KRTAP4-9: variants seen among roughly 807,000 people sequenced by gnomAD.
The protein encoded by KRTAP4-9 is keratin associated protein 4-9, also known as keratin-associated protein 4-9.
In KRTAP4-9, 4 loss-of-function variants were observed where a neutral mutation model predicts 4.3. That is an observed-to-expected ratio of 0.94 (90% CI 0.46 to 2.15). The LOEUF is 2.15. KRTAP4-9 is among the 30% of genes most tolerant of loss of function. The pLI is 0.02. For synonymous variants in KRTAP4-9, 111 were observed against 99.2 expected (o/e 1.12, Z -0.70); for missense variants, 297 against 278.5 (o/e 1.07, Z -0.47).
chr17:41,106,083 G>A (rs2014086911), exon 1 of KRTAP4-9: 1 of 1,506,302 alleles, frequency 6.6e-7, no homozygotes, highest in African/African-American at 1.4e-5. Context: ...CCCTTCTACT[G>A]TGCTGACCAT....
exon 1 of KRTAP4-9, chr17:41,105,993 C>A: frequency 6.3e-7 from 1 of 1,592,202 alleles, no homozygotes; most frequent in Non-Finnish European, 8.6e-7. Flanking sequence ...TGCCCCCGCC[C>A]CTTGTGCTGT....
exon 1 of KRTAP4-9, chr17:41,105,955 C>G (rs558806526): frequency 6.2e-7 from 1 of 1,604,476 alleles, no homozygotes; most frequent in Non-Finnish European, 8.5e-7. Context: ...ACACCACTTG[C>G]TATCGCCCAA....
exon 1 of KRTAP4-9, chr17:41,105,918 G>T (rs774382260): frequency 1.9e-6 from 3 of 1,607,912 alleles, no homozygotes; most frequent in Non-Finnish European, 2.5e-6. Flanking sequence ...TGCTGCGTGC[G>T]TCCAGTCTGT....
chr17:41,106,006 C>T, exon 1 of KRTAP4-9: 1 of 1,586,454 alleles, frequency 6.3e-7, no homozygotes, highest in Non-Finnish European at 8.6e-7. Flanking sequence ...TGTGCTGTGC[C>T]TCCTCTTGCT....
At chr17:41,105,968 T>G (rs1188264507) in exon 1 of KRTAP4-9, 1 of 1,601,534 alleles carries the variant, frequency 6.2e-7, no homozygotes, top group Admixed American at 1.7e-5. Flanking sequence ...TCGCCCAACC[T>G]GTGTCATCTC....
At chr17:41,105,899 C>T (rs752441751) in exon 1 of KRTAP4-9, 7 of 1,605,816 alleles carry the variant, frequency 4.4e-6, no homozygotes, top group East Asian at 4.5e-5. Context: ...CAGCTGCTGC[C>T]GCCCCTGCTG....
In KRTAP4-9 at chr17:41,105,819, G is replaced by A. The variant is rs1209068013; in HGVS notation, c.431G>A (p.Cys144Tyr). The A allele has an allele frequency of 1.8e-5, 29 of 1,611,890 alleles. 1 individual carries two copies. The Admixed American group carries it at 4.0e-4, about 22-fold the overall frequency. Residue 144 changes from cysteine to tyrosine, a missense_variant, in exon 1 of 1, where the codon TGC becomes TAC. Cys to Tyr is a radical substitution (Grantham distance 194). Transcript: ENST00000391415. ...AAGCCCCAGTGCTGCCAGTCTGTGT[G>A]CTGCCAGCCCAACTGCTGCCGCCCC...
At chr17:41,105,688 C>T (rs1051530924) in exon 1 of KRTAP4-9, 2 of 1,571,174 alleles carry the variant, frequency 1.3e-6, no homozygotes, top group East Asian at 2.3e-5. Flanking sequence ...CTGCGTGCTG[C>T]CAACCCACTT....
exon 1 of KRTAP4-9, chr17:41,105,944 C>A (rs1358721488): frequency 1.2e-6 from 2 of 1,605,622 alleles, no homozygotes; most frequent in African/African-American, 1.3e-5. Context: ...AGTCTCCTGC[C>A]ACACCACTTG....
Position 41,105,948 on chromosome 17 carries a change from C to G in KRTAP4-9, c.560C>G (p.Thr187Ser). The G allele has an allele frequency of 1.2e-6, 2 of 1,605,398 alleles. No homozygotes were observed. Among genetic ancestry groups the G allele is most frequent in the Non-Finnish European group, 1.7e-6 (2 of 1,175,662 alleles). The stretch of plus-strand genomic sequence containing the variant: ...GTCTGTGGCCGAGTCTCCTGCCACA[C>G]CACTTGCTATCGCCCAACCTGTGTC... The change falls in exon 1 of 1, where the codon ACC becomes AGC. Residue 187 changes from threonine to serine, a missense_variant. Physicochemically the swap from Thr to Ser is moderately conservative, Grantham distance 58 (BLOSUM62 1). Coordinates refer to ENST00000391415, the Ensembl canonical transcript of KRTAP4-9.
chr17:41,105,774 G>T lies in KRTAP4-9; in HGVS notation c.386G>T (p.Cys129Phe), dbSNP rs531605465. 4.6e-5 allele frequency: 73 copies of T among 1,602,948 alleles called. No individual in the cohort carries two copies. The African/African-American group carries it at 7.0e-4, about 15-fold the overall frequency. The change falls in exon 1 of 1, where the codon TGC becomes TTC. Residue 129 changes from cysteine (C) to phenylalanine (F), a missense_variant. Transcript: ENST00000391415. ...ATCTCCAGCTGCTGTCGCCCCAGCT[G>T]CTGTGTGTCCAGCTGCTGCAAGCCC...
chr17:41,105,843 C>G (rs768897733), exon 1 of KRTAP4-9: 10 of 1,609,666 alleles, frequency 6.2e-6, no homozygotes, highest in Middle Eastern at 1.7e-4. Context: ...TGCTGCCGCC[C>G]CAGCTGCAGC....
chr17:41,105,542 C>T (rs1306422026), exon 1 of KRTAP4-9: 1 of 1,562,646 alleles, frequency 6.4e-7, no homozygotes, highest in East Asian at 3.0e-5. Flanking sequence ...CTGCTGCAGG[C>T]CCCAGTGCTG....
rs375494801 is a variant in KRTAP4-9, at chr17:41,105,463, C to T, written c.75C>T (p.Cys25=). ...AAGACCTCTGTCAGGAGACCTGCTG[C>T]CGCCCCAGCTGCTGTGAGACCACCT... Residue 25 remains cysteine, a synonymous_variant, in exon 1 of 1, where the codon TGC becomes TGT. Coordinates refer to ENST00000391415, the Ensembl canonical transcript of KRTAP4-9. 3.2e-5 allele frequency: 51 copies of T among 1,602,748 alleles called. 1 individual carries two copies. The African/African-American group carries it at 6.4e-4, about 20-fold the overall frequency.
chr17:41,105,726 C>A lies in KRTAP4-9; in HGVS notation c.338C>A (p.Thr113Asn), dbSNP rs567577389. 7.9e-5 allele frequency: 124 copies of A among 1,566,744 alleles called. 1 individual carries two copies. The African/African-American group carries it at 1.5e-3, about 19-fold the overall frequency. The change falls in exon 1 of 1, where the codon ACC (threonine) becomes AAC (asparagine). Residue 113 changes from threonine to asparagine, a missense_variant. Thr to Asn is a moderately conservative substitution (Grantham distance 65). Transcript: ENST00000391415. ...TGTCGCCCCAGCTGCTGTGAGACGA[C>A]CTGCTGCCACCCTAGGTGCTGCATC...
exon 1 of KRTAP4-9, chr17:41,105,938 T>C (rs1163937400): frequency 1.2e-6 from 2 of 1,604,750 alleles, no homozygotes; most frequent in East Asian, 4.5e-5. Flanking sequence ...TGGCCGAGTC[T>C]CCTGCCACAC....
At chr17:41,106,293 A>C in exon 1 of KRTAP4-9, 1 of 599,490 alleles carries the variant, frequency 1.7e-6, no homozygotes, top group Non-Finnish European at 2.8e-6. Context: ...CAATCCTCTA[A>C]TTTCCTCATT....
chr17:41,106,359 A>C, exon 1 of KRTAP4-9: 1 of 411,858 alleles, frequency 2.4e-6, no homozygotes, highest in Non-Finnish European at 4.4e-6. Context: ...CATTATCTGC[A>C]GGACCAGTTT....
At chr17:41,106,278 T>G (rs2014091032) in exon 1 of KRTAP4-9, 1 of 647,764 alleles carries the variant, frequency 1.5e-6, no homozygotes, top group Non-Finnish European at 2.6e-6. Flanking sequence ...AGCTAGAAAT[T>G]ATTCCAATCC....
Sources: gnomAD v4.1 joint callset for allele counts on GRCh38, gnomAD v4.1.1 for gene constraint, MANE v1.5 for transcripts, NCBI Gene and HGNC (gene_info 2026-07-23, HGNC 2026-07-21) for gene names.